Variants in SDK1 observed in about 807,000 individuals in gnomAD.
SDK1 encodes the protein protein sidekick-1.
A neutral mutation model predicts 245.5 loss-of-function variants in SDK1; 157 were observed. That is an observed-to-expected ratio of 0.64 (90% CI 0.56 to 0.73). SDK1 has a LOEUF of 0.73. SDK1 is among the 30% of genes least tolerant of loss of function. SDK1 has a pLI of 0.00. For missense variants in SDK1, 3,583 were observed against 3,002.3 expected (o/e 1.19, Z -4.52); for synonymous variants, 1,647 against 1,278.5 (o/e 1.29, Z -6.15).
At chr7:4,115,518 C>T (rs753565649) in intron 25 of SDK1, among the ~76,000 whole-genome samples, 5 of 152,206 alleles carry the variant, frequency 3.3e-5, no homozygotes, top group Admixed American at 3.3e-4. Flanking sequence ...TGACTCTCTG[C>T]GTTAATGAGA....
At chr7:3,601,755 C>A (rs1299121886) in intron 1 of SDK1, among the ~76,000 whole-genome samples, 1 of 151,492 alleles carries the variant, frequency 6.6e-6, no homozygotes, top group Non-Finnish European at 1.5e-5. Context: ...TATACATGTG[C>A]CATGTTGGTG....
At chr7:3,770,065 G>A (rs1360034765) in intron 4 of SDK1, among the ~76,000 whole-genome samples, 1 of 151,866 alleles carries the variant, frequency 6.6e-6, no homozygotes, top group East Asian at 1.9e-4. Context: ...TGAGGAGTGA[G>A]GGAGATGAGA....
intron 1 of SDK1, among the ~76,000 whole-genome samples, chr7:3,402,457 A>T (rs780633833): frequency 6.6e-6 from 1 of 152,228 alleles, no homozygotes; most frequent in Non-Finnish European, 1.5e-5. Flanking sequence ...GAGTATTTCT[A>T]TTATGATTTT....
chr7:3,346,807 G>GTA lies in SDK1; in HGVS notation c.298+44943_298+44944dup, dbSNP rs778210658. Among the ~76,000 whole-genome samples the GTA allele has an allele frequency of 3.8e-3, 159 of 42,220 alleles. 5 individuals are homozygous for GTA. The highest frequency in any genetic ancestry group is 7.8e-3 in the Admixed American group (20 of 2,560). 27.7% of individuals were successfully genotyped at this position (42,220 alleles called of 152,430 possible). A position where few individuals can be genotyped will look rare whatever the true frequency, so the allele number is the denominator to read the frequency against. ...TATATATGTATGTGTGTGTGTGTGT[G>GTA]TATATATATATATATATATATTTTT... is the stretch of plus-strand genomic sequence containing the variant. On this transcript the variant is annotated intron_variant, in intron 1 of 44. Transcript: ENST00000404826.
chr7:4,069,643 CTG>C (rs1343029484), intron 20 of SDK1, among the ~76,000 whole-genome samples: 2 of 152,224 alleles, frequency 1.3e-5, no homozygotes, highest in Non-Finnish European at 2.9e-5. Flanking sequence ...TGTGCTGGGA[CTG>C]TGCTGCCCAG....
chr7:3,806,909 T>G (rs17133866), intron 4 of SDK1, among the ~76,000 whole-genome samples: 1,755 of 152,242 alleles, frequency 0.012, 27 homozygotes, highest in African/African-American at 0.041. Flanking sequence ...TAAATTTGCT[T>G]CCTGCCTGTA....
intron 1 of SDK1, among the ~76,000 whole-genome samples, chr7:3,413,825 C>T (rs1779283032): frequency 6.6e-6 from 1 of 152,150 alleles, no homozygotes; most frequent in Non-Finnish European, 1.5e-5. Flanking sequence ...GCCATCTCTA[C>T]AAAAAATTAA....
chr7:3,591,839 A>G (rs570187916), intron 1 of SDK1, among the ~76,000 whole-genome samples: 1 of 152,232 alleles, frequency 6.6e-6, no homozygotes, highest in Non-Finnish European at 1.5e-5. Context: ...AAACCTTTAA[A>G]TTAGTGATTC....
At chr7:4,166,230 C>T (rs1202970105) in intron 32 of SDK1, among the ~76,000 whole-genome samples, 6 of 152,258 alleles carry the variant, frequency 3.9e-5, no homozygotes, top group African/African-American at 7.2e-5. Context: ...GGCATCCCGC[C>T]GCTTCAGAAC....
At chr7:3,874,951 C>G (rs1167450917) in intron 5 of SDK1, among the ~76,000 whole-genome samples, 1 of 152,172 alleles carries the variant, frequency 6.6e-6, no homozygotes, top group Non-Finnish European at 1.5e-5. Flanking sequence ...TCTCATTGAG[C>G]TGCCCTGAGA....
At chr7:3,625,921 TTTTC>T (rs1280952871) in intron 2 of SDK1, among the ~76,000 whole-genome samples, 4 of 149,094 alleles carry the variant, frequency 2.7e-5, no homozygotes, top group Non-Finnish European at 4.4e-5. Context: ...CCAGAAGGAT[TTTTC>T]TTTCTTTCTT....
chr7:4,114,425 C>A, intron 25 of SDK1, 151 bp downstream of exon 25: 1 of 651,136 alleles, frequency 1.5e-6, no homozygotes, highest in Non-Finnish European at 2.6e-6. Context: ...TTTGGCCAGA[C>A]TCGGCAGGAA....
intron 5 of SDK1, among the ~76,000 whole-genome samples, chr7:3,893,726 A>G (rs1449769172): frequency 2.0e-5 from 3 of 150,852 alleles, no homozygotes; most frequent in African/African-American, 4.9e-5. Context: ...ACAGACATTC[A>G]GGATCTGCCC....
chr7:3,714,636 C>T (rs1048210897), intron 4 of SDK1, among the ~76,000 whole-genome samples: 9 of 152,156 alleles, frequency 5.9e-5, no homozygotes, highest in African/African-American at 1.9e-4. Context: ...GTTTAAATGT[C>T]GTTTAATACA....
At chr7:4,031,917 C>T (rs1443220941) in intron 17 of SDK1, among the ~76,000 whole-genome samples, 1 of 137,580 alleles carries the variant, frequency 7.3e-6, no homozygotes, top group Non-Finnish European at 1.6e-5. Flanking sequence ...ATCCCAGCTA[C>T]TCAGGAGGCT....
At chr7:4,005,393 A>AGTGTGTGTGTGTGTGTGTGTGTGT (rs71032920) in intron 14 of SDK1, among the ~76,000 whole-genome samples, 1 of 129,818 alleles carries the variant, frequency 7.7e-6, no homozygotes, top group African/African-American at 2.9e-5. Context: ...TTCTTATGTG[A>AGTGTGTGTGTGTGTGTGTGTGTGT]GTGTGTGTGT....
At chr7:3,968,601 A>C (rs966950399) in intron 10 of SDK1, among the ~76,000 whole-genome samples, 2 of 152,216 alleles carry the variant, frequency 1.3e-5, no homozygotes, top group Non-Finnish European at 2.9e-5. Context: ...AAATGTTTCA[A>C]ATACATGCAG....
intron 4 of SDK1, 71 bp from the exon 5 acceptor site, chr7:3,821,379 A>G: frequency 6.5e-7 from 1 of 1,530,738 alleles, no homozygotes. Context: ...AGTTGGCCTA[A>G]TTAATTTTGT....
chr7:3,908,639 C>A (rs914331803), intron 5 of SDK1, among the ~76,000 whole-genome samples: 1 of 152,174 alleles, frequency 6.6e-6, no homozygotes. Context: ...CCTCTTCTCA[C>A]ACCTAAGCCT....
Sources: gnomAD v4.1 joint callset for allele counts (sites outside exome capture counted in the v4.1 genomes callset) on GRCh38, gnomAD v4.1.1 for gene constraint, MANE v1.5 for transcripts, NCBI Gene and HGNC (gene_info 2026-07-23, HGNC 2026-07-21) for gene names.